The following MRPL35 variants were observed in gnomAD, a reference collection of about 807,000 sequenced individuals.
MRPL35 encodes mitochondrial ribosomal protein L35.
MRPL35 carries 18 observed loss-of-function variants against 21.6 expected under a neutral mutation model. The observed-to-expected ratio is 0.83, with a 90% CI of 0.58 to 1.24. MRPL35 has a LOEUF of 1.24. Among genes scored for constraint, MRPL35 ranks in the 50% most tolerant of loss-of-function variants. The probability of loss-of-function intolerance (pLI) is 0.00; values close to 1 mark genes in which losing one functional copy is unlikely to be tolerated. For missense variants in MRPL35, 223 were observed against 223.2 expected, an observed-to-expected ratio of 1.00 and a Z score of 0.01; for synonymous variants, 87 against 86.9, an observed-to-expected ratio of 1.00 and a Z score of -0.01.
At chr2:86,205,043 G>A (rs1673763676) in intron 1 of MRPL35, among the ~76,000 whole-genome samples, 1 of 152,040 alleles carries the variant, frequency 6.6e-6, no homozygotes, top group Non-Finnish European at 1.5e-5. Flanking sequence ...GTTCAAGATT[G>A]GGCTGGGCAA....
In MRPL35 at chr2:86,207,260, G is replaced by GA. The variant is rs1013223821; in HGVS notation, c.314dup (p.Thr106AspfsTer8). ...TACTTCAGTGCAAGAAAAGGCAAGA[G>GA]AAAGACCGTGAAAGCTGTCATCGAT... On this transcript the variant is annotated frameshift_variant, in exon 3 of 4. Coordinates refer to ENST00000337109, the MANE Select transcript of MRPL35 (RefSeq NM_016622.4). LOFTEE classifies it high-confidence loss of function. The GA allele has an allele frequency of 3.4e-5, 55 of 1,614,114 alleles. No individual in the cohort carries two copies. The highest frequency in any genetic ancestry group is 4.4e-5 in the Non-Finnish European group (52 of 1,179,972).
intron 3 of MRPL35, among the ~76,000 whole-genome samples, chr2:86,210,046 C>G (rs1673871284): frequency 6.6e-6 from 1 of 152,120 alleles, no homozygotes; most frequent in Non-Finnish European, 1.5e-5. Flanking sequence ...GCCCTCAGAC[C>G]TCTGTCTGCT....
intron 1 of MRPL35, among the ~76,000 whole-genome samples, chr2:86,203,184 A>G (rs1482567166): frequency 6.8e-6 from 1 of 148,068 alleles, no homozygotes; most frequent in African/African-American, 2.5e-5. Flanking sequence ...GGTTCACGCC[A>G]TTCTCCTGCT....
Position 86,212,983 on chromosome 2 carries a change from T to C in MRPL35, c.*2315T>C. Reference sequence around the variant, plus strand: ...TACATACATACTGTCTAACTGCTAATCCACATTTCCAGTCTTACAAAGGAC... The same window carrying C: ...TACATACATACTGTCTAACTGCTAACCCACATTTCCAGTCTTACAAAGGAC... On this transcript the variant is annotated 3_prime_UTR_variant, in exon 4 of 4. Coordinates refer to ENST00000337109, the MANE Select transcript of MRPL35 (RefSeq NM_016622.4). 2 of 718,298 alleles carry C rather than the reference T, an allele frequency of 2.8e-6. No individual in the cohort carries two copies. The highest frequency in any genetic ancestry group is 1.3e-4 in the South Asian group (2 of 15,830). 44.5% of individuals were successfully genotyped at this position (718,298 alleles called of 1,614,324 possible).
At chr2:86,199,758 C>A (rs990799658) in intron 1 of MRPL35, among the ~76,000 whole-genome samples, 4 of 152,224 alleles carry the variant, frequency 2.6e-5, no homozygotes, top group Non-Finnish European at 1.5e-5. Context: ...GCTTCCTTAC[C>A]AGCTTTTTTT....
At chr2:86,206,723 T>C (rs1349384976) in intron 2 of MRPL35, among the ~76,000 whole-genome samples, 2 of 152,320 alleles carry the variant, frequency 1.3e-5, no homozygotes, top group East Asian at 3.9e-4. Flanking sequence ...ATGTTGTATG[T>C]GTGCTTTCCT....
Position 86,213,407 on chromosome 2 carries a change from C to T in MRPL35, c.*2739C>T. 4 of 1,274,094 alleles carry T rather than the reference C, an allele frequency of 3.1e-6. No homozygotes were observed. In the South Asian group the frequency reaches 1.2e-4, roughly 38 times the overall value. The allele number at this position is 1,274,094 out of a possible 1,614,324, so 78.9% of individuals were successfully genotyped here. ...TTAGTCCTCTGAATCTGCTTCTTTT[C>T]TTACTGCTGCTTTATTTTACAGTGA... On this transcript the variant is annotated 3_prime_UTR_variant, in exon 4 of 4. Transcript: ENST00000337109.
chr2:86,200,530 C>T (rs575804458), intron 1 of MRPL35, among the ~76,000 whole-genome samples: 2 of 152,244 alleles, frequency 1.3e-5, no homozygotes, highest in African/African-American at 2.4e-5. Flanking sequence ...TTTTAGCATC[C>T]ATATGTGCAT....
Position 86,212,111 on chromosome 2 carries a change from A to C in MRPL35, c.*1443A>C. On this transcript the variant is annotated 3_prime_UTR_variant, in exon 4 of 4. Coordinates refer to ENST00000337109, the MANE Select transcript of MRPL35 (RefSeq NM_016622.4). Reference sequence around the variant, plus strand: ...CCATTATTAAATAGAATTATGCATGAATTACTGTTTCAGATCCTTTAATGT... The same window carrying C: ...CCATTATTAAATAGAATTATGCATGCATTACTGTTTCAGATCCTTTAATGT... 1 of 1,192,484 alleles carries C rather than the reference A, an allele frequency of 8.4e-7. No homozygotes were observed. The highest frequency in any genetic ancestry group is 4.4e-5 in the Admixed American group (1 of 22,682). 73.9% of individuals were successfully genotyped at this position (1,192,484 alleles called of 1,614,324 possible). A position where few individuals can be genotyped will look rare whatever the true frequency, so the allele number is the denominator to read the frequency against.
At chr2:86,206,656 G>C (rs1361085961) in intron 2 of MRPL35, among the ~76,000 whole-genome samples, 1 of 152,206 alleles carries the variant, frequency 6.6e-6, no homozygotes, top group African/African-American at 2.4e-5. Flanking sequence ...GACTGTGACT[G>C]ACATCCATGT....
intron 1 of MRPL35, among the ~76,000 whole-genome samples, chr2:86,200,615 C>A (rs1172753468): frequency 6.6e-6 from 1 of 151,950 alleles, no homozygotes; most frequent in Non-Finnish European, 1.5e-5. Flanking sequence ...TTAGTATCTT[C>A]TTTTACATTG....
At chr2:86,204,120 G>C (rs1007456307) in intron 1 of MRPL35, among the ~76,000 whole-genome samples, 6 of 151,992 alleles carry the variant, frequency 3.9e-5, no homozygotes, top group Non-Finnish European at 5.9e-5. Context: ...GAGTAGCTGG[G>C]ATTATAGGCG....
At chr2:86,205,631 C>T (rs1343228475) in intron 1 of MRPL35, among the ~76,000 whole-genome samples, 1 of 152,212 alleles carries the variant, frequency 6.6e-6, no homozygotes, top group African/African-American at 2.4e-5. Flanking sequence ...TCCTCCTCTT[C>T]TAAGGGCCTG....
At chr2:86,201,859 C>G (rs996622607) in intron 1 of MRPL35, among the ~76,000 whole-genome samples, 1 of 152,216 alleles carries the variant, frequency 6.6e-6, no homozygotes, top group African/African-American at 2.4e-5. Flanking sequence ...TCCTTTGATT[C>G]ATGCCACATA....
At position 86,207,229 on chromosome 2, in the gene MRPL35, C is replaced by CGA. The variant is rs1558855993; in HGVS notation, c.280_281insGA (p.Leu94ArgfsTer2). On this transcript the variant is annotated frameshift_variant, in exon 3 of 4. Transcript: ENST00000337109. LOFTEE classifies it high-confidence loss of function. ...TGTCCTGAAGCTGCCAGTCAGATCT[C>CGA]TAACATACTTCAGTGCAAGAAAAGG... is the stretch of plus-strand genomic sequence containing the variant. The CGA allele has an allele frequency of 2.5e-6, 4 of 1,613,930 alleles. No homozygotes were observed. The highest frequency in any genetic ancestry group is 3.4e-6 in the Non-Finnish European group (4 of 1,179,906).
intron 1 of MRPL35, among the ~76,000 whole-genome samples, chr2:86,200,249 G>A (rs1332350588): frequency 2.6e-5 from 4 of 151,928 alleles, no homozygotes; most frequent in Non-Finnish European, 5.9e-5. Context: ...AAAATGCAGC[G>A]ATGTAAATTT....
chr2:86,209,572 G>T (rs1042707350), intron 3 of MRPL35, among the ~76,000 whole-genome samples: 1 of 151,980 alleles, frequency 6.6e-6, no homozygotes, highest in Non-Finnish European at 1.5e-5. Context: ...TAAATATGTG[G>T]GTTAACCATT....
chr2:86,213,364 T>C lies in MRPL35; in HGVS notation c.*2696T>C, dbSNP rs1673951018. On this transcript the variant is annotated 3_prime_UTR_variant, in exon 4 of 4. Coordinates refer to ENST00000337109, the MANE Select transcript of MRPL35 (RefSeq NM_016622.4). ...AACGAATGGATTTCCAGCCTTTTTT[T>C]CCCATCTGTTCCTGCTTTTAGTCCT... 2.2e-5 allele frequency: 28 copies of C among 1,250,180 alleles called. No homozygotes were observed. The highest frequency in any genetic ancestry group is 2.7e-5 in the Non-Finnish European group (27 of 998,088). The allele number at this position is 1,250,180 out of a possible 1,614,324, so 77.4% of individuals were successfully genotyped here.
At chr2:86,202,547 T>A (rs1158628955) in intron 1 of MRPL35, among the ~76,000 whole-genome samples, 1 of 152,232 alleles carries the variant, frequency 6.6e-6, no homozygotes, top group Non-Finnish European at 1.5e-5. Flanking sequence ...GCACTTAATC[T>A]TCCAAAGATT....
Sources: gnomAD v4.1 joint callset for allele counts (sites outside exome capture counted in the v4.1 genomes callset) on GRCh38, gnomAD v4.1.1 for gene constraint, MANE v1.5 for transcripts, NCBI Gene and HGNC (gene_info 2026-07-23, HGNC 2026-07-21) for gene names.